ODF2L: variants seen among roughly 807,000 people sequenced by gnomAD.
The protein encoded by ODF2L is protein BCAP.
ODF2L carries 76 observed loss-of-function variants against 86.3 expected under a neutral mutation model. The ratio of observed to expected loss-of-function variants is 0.88; its 90% CI spans 0.73 to 1.07. The LOEUF (loss-of-function observed/expected upper bound fraction) is 1.07, where lower values mean the gene tolerates loss of function less well. ODF2L is among the 50% of genes least tolerant of loss of function. The pLI is 0.00. For missense variants in ODF2L, 748 were observed against 717.4 expected (o/e 1.04, Z -0.49); for synonymous variants, 241 against 231.3 (o/e 1.04, Z -0.38).
chr1:86,355,120 G>C (rs924976095), intron 14 of ODF2L: 1 of 544,032 alleles, frequency 1.8e-6, no homozygotes, highest in African/African-American at 1.9e-5. Context: ...AAAACACTTT[G>C]AACAACACCT....
In ODF2L at chr1:86,352,857, A is replaced by C. The variant is rs767959964; in HGVS notation, c.1893+2T>G. Reference sequence around the variant, plus strand: ...AATATGTTAAGCCATGCTAATACTTACACTGTTCATTTTGCAAACAAGTTG... The same window carrying C: ...AATATGTTAAGCCATGCTAATACTTCCACTGTTCATTTTGCAAACAAGTTG... On this transcript the variant is annotated splice_donor_variant, in intron 17 of 17. Coordinates refer to ENST00000317336, the Ensembl canonical transcript of ODF2L. LOFTEE classifies it high-confidence loss of function. The C allele has an allele frequency of 6.6e-7, 1 of 1,508,820 alleles. No individual in the cohort carries two copies. Among genetic ancestry groups the C allele is most frequent in the South Asian group, 1.2e-5 (1 of 85,500 alleles). The allele number at this position is 1,508,820 out of a possible 1,614,324, so 93.5% of individuals were successfully genotyped here.
downstream of ODF2L, chr1:86,349,072 A>G (rs1657956327): frequency 2.8e-6 from 1 of 353,938 alleles, no homozygotes; most frequent in Non-Finnish European, 4.6e-6. Context: ...CACATGGTTG[A>G]TCTTCACTGA....
chr1:86,356,373 C>A, intron 14 of ODF2L, 71 bp downstream of exon 13: 1 of 1,320,982 alleles, frequency 7.6e-7, no homozygotes, highest in African/African-American at 1.5e-5. Flanking sequence ...CATGAGTGCC[C>A]TCAACTGGTG....
At chr1:86,393,817 T>C (rs1232112647) in intron 1 of ODF2L, among the ~76,000 whole-genome samples, 1 of 152,244 alleles carries the variant, frequency 6.6e-6, no homozygotes, top group Non-Finnish European at 1.5e-5. Context: ...CATCACTCTC[T>C]GCCCTAAAAA....
At position 86,385,603 on chromosome 1, in the gene ODF2L, G is replaced by A. The variant is rs777029899; in HGVS notation, c.114-13C>T. The A allele has an allele frequency of 1.9e-6, 3 of 1,605,060 alleles. No individual in the cohort carries two copies. Among genetic ancestry groups the A allele is most frequent in the Non-Finnish European group, 2.6e-6 (3 of 1,172,834 alleles). The stretch of plus-strand genomic sequence containing the variant: ...GTCCTGCTTCAGGCTAATTACAAAT[G>A]CACATACAAAATTTAAGTTAAATCC... On this transcript the variant is annotated splice_polypyrimidine_tract_variant and intron_variant, in intron 2 of 17. Coordinates refer to ENST00000317336, the Ensembl canonical transcript of ODF2L.
In ODF2L at chr1:86,371,047, T is replaced by C. The variant is rs577473327; in HGVS notation, c.1027A>G (p.Thr343Ala). ...AATTTTGTATTCTCAAGATTCAGAG[T>C]TTCATTTTCATATTCAATTGAGTGA... The change falls in exon 10 of 18, where the codon ACT becomes GCT. Residue 343 changes from threonine to alanine, a missense_variant. Thr to Ala is a moderately conservative substitution (Grantham distance 58). Transcript: ENST00000317336. 2.1e-5 allele frequency: 33 copies of C among 1,572,308 alleles called. 2 individuals carry two copies. In the South Asian group the frequency reaches 3.3e-4, roughly 16 times the overall value.
chr1:86,381,509 G>A (rs974560358), intron 7 of ODF2L, among the ~76,000 whole-genome samples: 1 of 151,992 alleles, frequency 6.6e-6, no homozygotes, highest in Non-Finnish European at 1.5e-5. Context: ...TATAATTCAG[G>A]AGTGCAAAAC....
Position 86,352,211 on chromosome 1 carries a change from G to A in ODF2L, c.1894-3C>T, listed in dbSNP as rs763447965. The A allele has an allele frequency of 2.7e-6, 4 of 1,501,056 alleles. No individual in the cohort carries two copies. The South Asian group carries it at 3.9e-5, about 15-fold the overall frequency. 93.0% of individuals were successfully genotyped at this position (1,501,056 alleles called of 1,614,324 possible). A position where few individuals can be genotyped will look rare whatever the true frequency, so the allele number is the denominator to read the frequency against. ...AGATTTCATGGAGTCTCTGGATCCT[G>A]GAAAAAACACAGTATCATTATTCTC... On this transcript the variant is annotated splice_polypyrimidine_tract_variant and splice_region_variant and intron_variant, in intron 17 of 17. Coordinates refer to ENST00000317336, the Ensembl canonical transcript of ODF2L.
At chr1:86,376,299 A>C in exon 8 of ODF2L, 1 of 1,613,000 alleles carries the variant, frequency 6.2e-7, no homozygotes. Flanking sequence ...TTTGTTTGTA[A>C]ACTTTAGATG....
At chr1:86,368,205 A>G (rs1429410191) in intron 11 of ODF2L, among the ~76,000 whole-genome samples, 1 of 152,140 alleles carries the variant, frequency 6.6e-6, no homozygotes. Flanking sequence ...CTTAACATTC[A>G]TATCTTATGT....
At chr1:86,356,691 G>A (rs1040566822) in intron 13 of ODF2L, 89 bp from the exon 13 acceptor site, 37 of 1,108,398 alleles carry the variant, frequency 3.3e-5, no homozygotes, top group South Asian at 4.2e-5. Context: ...TGCTTATAAC[G>A]TAAGTATTTT....
At chr1:86,395,473 T>A (rs1015101291) in intron 1 of ODF2L, among the ~76,000 whole-genome samples, 1 of 152,260 alleles carries the variant, frequency 6.6e-6, no homozygotes, top group East Asian at 1.9e-4. Flanking sequence ...GCGGGTTCAG[T>A]GGCAGAGCTG....
At chr1:86,364,765 T>C (rs2100921776) in intron 11 of ODF2L, among the ~76,000 whole-genome samples, 1 of 152,288 alleles carries the variant, frequency 6.6e-6, no homozygotes, top group Admixed American at 6.5e-5. Context: ...ATGAGGGTCA[T>C]GACCTAGGGA....
chr1:86,352,896 T>G, exon 17 of ODF2L: 1 of 1,553,102 alleles, frequency 6.4e-7, no homozygotes, highest in Non-Finnish European at 8.9e-7. Context: ...TTGTTCTTCA[T>G]TTTTCTTTCT....
chr1:86,380,026 C>G (rs1660455814), intron 7 of ODF2L, among the ~76,000 whole-genome samples: 1 of 152,076 alleles, frequency 6.6e-6, no homozygotes, highest in Non-Finnish European at 1.5e-5. Flanking sequence ...TATTAAGTAT[C>G]TATTAAAGAC....
At chr1:86,352,578 T>C (rs1658217373) in intron 17 of ODF2L, among the ~76,000 whole-genome samples, 2 of 152,298 alleles carry the variant, frequency 1.3e-5, no homozygotes, top group African/African-American at 4.8e-5. Context: ...ATCAAGTAGA[T>C]TATATCTGTA....
intron 1 of ODF2L, among the ~76,000 whole-genome samples, chr1:86,391,031 C>G (rs1304210792): frequency 2.0e-5 from 3 of 152,202 alleles, no homozygotes; most frequent in Non-Finnish European, 4.4e-5. Flanking sequence ...TATACACCAA[C>G]AGTGACCACG....
chr1:86,354,710 A>T lies in ODF2L; in HGVS notation c.1605-18T>A. Reference sequence around the variant, plus strand: ...CTAATTTTCTTTTTACAGAAAACATATATTTTAAAATGTTAATGTGCAGAG... The same window carrying T: ...CTAATTTTCTTTTTACAGAAAACATTTATTTTAAAATGTTAATGTGCAGAG... On this transcript the variant is annotated intron_variant, in intron 15 of 17. Coordinates refer to ENST00000317336, the Ensembl canonical transcript of ODF2L. 1 of 1,581,906 alleles carries T rather than the reference A, an allele frequency of 6.3e-7. No individual in the cohort carries two copies. Among genetic ancestry groups the T allele is most frequent in the Non-Finnish European group, 8.7e-7 (1 of 1,154,304 alleles).
intron 11 of ODF2L, among the ~76,000 whole-genome samples, chr1:86,366,676 G>GT (rs1313818411): frequency 1.3e-5 from 2 of 151,544 alleles, no homozygotes; most frequent in African/African-American, 4.9e-5. Flanking sequence ...ATTCTTATAG[G>GT]TATTTTCAGA....
Sources: gnomAD v4.1 joint callset for allele counts (sites outside exome capture counted in the v4.1 genomes callset) on GRCh38, gnomAD v4.1.1 for gene constraint, MANE v1.5 for transcripts, NCBI Gene and HGNC (gene_info 2026-07-23, HGNC 2026-07-21) for gene names.